CPLX2: variants seen among roughly 807,000 people sequenced by gnomAD.
CPLX2 encodes complexin-2.
CPLX2 carries 5 observed loss-of-function variants against 16.3 expected under a neutral mutation model. That is an observed-to-expected ratio of 0.31 (90% CI 0.16 to 0.64). CPLX2 has a LOEUF of 0.64. CPLX2 is among the 30% of genes least tolerant of loss of function. The pLI, the probability that CPLX2 is intolerant of heterozygous loss-of-function variation, is 0.79. For missense variants in CPLX2, 144 were observed against 181.4 expected (o/e 0.79, Z 1.18); for synonymous variants, 89 against 73.2 (o/e 1.22, Z -1.10).
intron 1 of CPLX2, among the ~76,000 whole-genome samples, chr5:175,808,286 A>T (rs1464567059): frequency 2.0e-5 from 3 of 152,202 alleles, no homozygotes; most frequent in Admixed American, 2.0e-4. Flanking sequence ...ATGTGATACC[A>T]AATCTAGCAA....
rs1450398744 is a variant in CPLX2 at position 175,881,836 on chromosome 5, A to G, written c.*1791A>G. 2 of 152,610 alleles carry G rather than the reference A, an allele frequency of 1.3e-5. No individual in the cohort carries two copies. The highest frequency in any genetic ancestry group is 2.9e-5 in the Non-Finnish European group (2 of 68,020). The allele number at this position is 152,610 out of a possible 1,614,324, so 9.5% of individuals were successfully genotyped here. A position where few individuals can be genotyped will look rare whatever the true frequency, so the allele number is the denominator to read the frequency against. ...CCTATCCCAAAAGCAGGGGCCAGGGAGGGGGCGACTTGCCTGCCCCTGAAG... is the reference window on the plus strand; with the variant it reads ...CCTATCCCAAAAGCAGGGGCCAGGGGGGGGGCGACTTGCCTGCCCCTGAAG... On this transcript the variant is annotated 3_prime_UTR_variant, in exon 4 of 4. Coordinates refer to ENST00000393745, the MANE Select transcript of CPLX2 (RefSeq NM_001008220.2).
chr5:175,861,372 A>T (rs1256634655), intron 2 of CPLX2, among the ~76,000 whole-genome samples: 3 of 152,192 alleles, frequency 2.0e-5, no homozygotes. Context: ...AGCAGGGAGC[A>T]CTATGTGGGA....
rs1581102861 is a variant in CPLX2 at position 175,872,577 on chromosome 5, C to T, written c.-89+872C>T. ...CGGGGTTCCTGTCCTCTCTTCTGGC[C>T]GGGAAACGGGAACCCCCGGCCACTT... is the stretch of plus-strand genomic sequence containing the variant. On this transcript the variant is annotated intron_variant, in intron 1 of 3. Transcript: ENST00000393745. This position sits in a 1 kb window ranked among gnomAD's most constrained non-coding sequence, Gnocchi z 5.0. Among the ~76,000 whole-genome samples the T allele has an allele frequency of 6.6e-6, 1 of 152,168 alleles. No homozygotes were observed. The highest frequency in any genetic ancestry group is 2.0e-4 in the East Asian group (1 of 5,128).
intron 2 of CPLX2, among the ~76,000 whole-genome samples, chr5:175,858,275 G>T (rs1239614013): frequency 6.6e-6 from 1 of 152,224 alleles, no homozygotes; most frequent in Non-Finnish European, 1.5e-5. Flanking sequence ...GCCTGTGGTG[G>T]ACATGACCAG....
At chr5:175,866,851 T>C (rs1033640075), upstream of CPLX2, among the ~76,000 whole-genome samples, 1 of 152,116 alleles carries the variant, frequency 6.6e-6, no homozygotes, top group African/African-American at 2.4e-5. Context: ...TAAGACAGGA[T>C]TGCTTGAGGC....
intron 2 of CPLX2, among the ~76,000 whole-genome samples, chr5:175,840,871 T>G (rs1758932410): frequency 6.6e-6 from 1 of 152,172 alleles, no homozygotes; most frequent in Admixed American, 6.5e-5. Context: ...TTTTATAGCA[T>G]GCTCAGCTCA....
chr5:175,826,166 C>A (rs567125010), intron 2 of CPLX2, among the ~76,000 whole-genome samples: 1 of 151,886 alleles, frequency 6.6e-6, no homozygotes, highest in Non-Finnish European at 1.5e-5. Context: ...CCAGGGTGGG[C>A]GCCACTGACT....
chr5:175,878,653 T>C lies in CPLX2; in HGVS notation c.-87T>C. The C allele has an allele frequency of 6.7e-7, 1 of 1,483,414 alleles. No individual in the cohort carries two copies. Among genetic ancestry groups the C allele is most frequent in the East Asian group, 2.3e-5 (1 of 42,636 alleles). 91.9% of individuals were successfully genotyped at this position (1,483,414 alleles called of 1,614,324 possible). On this transcript the variant is annotated splice_region_variant and 5_prime_UTR_variant, in exon 2 of 4. Coordinates refer to ENST00000393745, the MANE Select transcript of CPLX2 (RefSeq NM_001008220.2). ...CTGACTCCCAATTCTCTTCTGCAGGTTGTCACATCTTCCCAAGCCAGGCCA... is the reference window on the plus strand; with the variant it reads ...CTGACTCCCAATTCTCTTCTGCAGGCTGTCACATCTTCCCAAGCCAGGCCA...
chr5:175,869,168 G>A (rs1325950928), upstream of CPLX2, among the ~76,000 whole-genome samples: 1 of 152,152 alleles, frequency 6.6e-6, no homozygotes, highest in Admixed American at 6.5e-5. Context: ...CACCTTTAAT[G>A]GCTAAAGTGT....
chr5:175,860,593 A>G (rs112988055), intron 2 of CPLX2, among the ~76,000 whole-genome samples: 8 of 117,496 alleles, frequency 6.8e-5, no homozygotes, highest in South Asian at 2.8e-4. Context: ...GAGGGAAGGA[A>G]GGAAGGAAGG....
chr5:175,866,626 G>C (rs919117042), upstream of CPLX2, among the ~76,000 whole-genome samples: 2 of 152,144 alleles, frequency 1.3e-5, no homozygotes, highest in Non-Finnish European at 2.9e-5. Flanking sequence ...CCTCTGAGGA[G>C]CTGCTGGGCA....
chr5:175,874,095 C>T (rs970117225), intron 1 of CPLX2, among the ~76,000 whole-genome samples: 1 of 152,178 alleles, frequency 6.6e-6, no homozygotes, highest in Admixed American at 6.5e-5. Context: ...TTAACAAGGC[C>T]ATGGGGAGCC....
chr5:175,837,908 C>G (rs1561779295), intron 2 of CPLX2: 1 of 152,228 alleles, frequency 6.6e-6, no homozygotes, highest in Non-Finnish European at 1.5e-5. Context: ...TTCCATGCAA[C>G]TTGCAGTCTA....
chr5:175,873,560 T>C (rs1759686076), intron 1 of CPLX2, among the ~76,000 whole-genome samples: 1 of 152,086 alleles, frequency 6.6e-6, no homozygotes. Flanking sequence ...CAGGCAATAC[T>C]GCCCCCAGAA....
At chr5:175,824,117 C>T (rs1194091077) in intron 2 of CPLX2, among the ~76,000 whole-genome samples, 1 of 152,172 alleles carries the variant, frequency 6.6e-6, no homozygotes, top group Non-Finnish European at 1.5e-5. Flanking sequence ...TCCAGGGGTC[C>T]CCAACCTTTC....
chr5:175,832,162 T>C (rs1034877363), intron 2 of CPLX2, among the ~76,000 whole-genome samples: 11 of 152,200 alleles, frequency 7.2e-5, no homozygotes, highest in Non-Finnish European at 1.3e-4. Context: ...ATTTTGAGCA[T>C]AGTCTCCATG....
At chr5:175,814,493 G>T (rs994498801) in intron 2 of CPLX2, among the ~76,000 whole-genome samples, 24 of 152,344 alleles carry the variant, frequency 1.6e-4, no homozygotes, top group African/African-American at 5.5e-4. Flanking sequence ...GGATTATCCA[G>T]CGGGGGCAGG....
intron 2 of CPLX2, among the ~76,000 whole-genome samples, chr5:175,848,010 C>A (rs919906009): frequency 2.0e-5 from 3 of 152,272 alleles, no homozygotes; most frequent in Non-Finnish European, 4.4e-5. Context: ...ATCTGTGATG[C>A]TTGCTTTGTG....
At chr5:175,811,793 T>G (rs1406610704) in intron 2 of CPLX2, among the ~76,000 whole-genome samples, 1 of 152,238 alleles carries the variant, frequency 6.6e-6, no homozygotes, top group Non-Finnish European at 1.5e-5. Flanking sequence ...AAGAGCTGGA[T>G]AGCAGTCTTG....
Sources: gnomAD v4.1 joint callset for allele counts (sites outside exome capture counted in the v4.1 genomes callset) on GRCh38, gnomAD v4.1.1 for gene constraint, Gnocchi (gnomAD v3.1) non-coding constraint, MANE v1.5 for transcripts, NCBI Gene and HGNC (gene_info 2026-07-23, HGNC 2026-07-21) for gene names.